The following TNFAIP8 variants were observed in gnomAD, a reference collection of about 807,000 sequenced individuals.
TNFAIP8 encodes the protein TNF alpha induced protein 8.
Under a neutral mutation model 13.3 loss-of-function variants are expected in TNFAIP8, and 7 were observed. The observed-to-expected ratio is 0.52, with a 90% CI of 0.30 to 0.99. The LOEUF (loss-of-function observed/expected upper bound fraction) is 0.99, where lower values mean the gene tolerates loss of function less well. TNFAIP8 is among the 50% of genes least tolerant of loss of function. The probability of loss-of-function intolerance (pLI) is 0.07; values close to 1 mark genes in which losing one functional copy is unlikely to be tolerated. For missense variants in TNFAIP8, 258 were observed against 236.9 expected (o/e 1.09, Z -0.58); for synonymous variants, 94 against 87.6 (o/e 1.07, Z -0.41).
intron 1 of TNFAIP8, among the ~76,000 whole-genome samples, chr5:119,385,966 G>A (rs1752652331): frequency 6.6e-6 from 1 of 152,202 alleles, no homozygotes; most frequent in Non-Finnish European, 1.5e-5. Flanking sequence ...TTACAGATGA[G>A]GAAGCCGAGT....
chr5:119,358,116 A>G (rs114172434), intron 1 of TNFAIP8, among the ~76,000 whole-genome samples: 1,950 of 119,404 alleles, frequency 0.016, 46 homozygotes, highest in African/African-American at 0.064. Context: ...TTTTTTTTTC[A>G]TCCTGGTGAA....
At chr5:119,386,606 T>C (rs1311067050) in intron 1 of TNFAIP8, among the ~76,000 whole-genome samples, 1 of 152,216 alleles carries the variant, frequency 6.6e-6, no homozygotes, top group Non-Finnish European at 1.5e-5. Flanking sequence ...TGTTGCCTTT[T>C]AAGGTTAGCA....
chr5:119,391,371 G>A (rs1174566353), intron 1 of TNFAIP8: 17 of 701,900 alleles, frequency 2.4e-5, no homozygotes, highest in Admixed American at 1.0e-4. Flanking sequence ...CCAGGCCTAG[G>A]CTTAAACACT....
chr5:119,378,276 C>T (rs955376629), intron 1 of TNFAIP8, among the ~76,000 whole-genome samples: 2 of 152,136 alleles, frequency 1.3e-5, no homozygotes, highest in African/African-American at 4.8e-5. Context: ...AATATAAATG[C>T]TGTGCTGGTG....
chr5:119,391,542 C>A, intron 1 of TNFAIP8: 1 of 632,570 alleles, frequency 1.6e-6, no homozygotes, highest in South Asian at 1.6e-5. Flanking sequence ...GGCAGATCAC[C>A]TGAGGCCAGG....
At chr5:119,304,636 C>T (rs184193744) in intron 1 of TNFAIP8, among the ~76,000 whole-genome samples, 2 of 152,344 alleles carry the variant, frequency 1.3e-5, no homozygotes, top group East Asian at 1.9e-4. Context: ...GCAAAGACCA[C>T]GATTGCATGA....
Position 119,395,746 on chromosome 5 carries a change from C to G in TNFAIP8, c.*2365C>G, listed in dbSNP as rs1753058387. The G allele has an allele frequency of 6.6e-6, 1 of 152,196 alleles. No individual in the cohort carries two copies. The allele number at this position is 152,196 out of a possible 1,614,324, so 9.4% of individuals were successfully genotyped here. On this transcript the variant is annotated 3_prime_UTR_variant, in exon 2 of 2. Coordinates refer to ENST00000504771, the MANE Select transcript of TNFAIP8 (RefSeq NM_014350.4). Reference sequence around the variant, plus strand: ...AGTTCATTTCTAATACAATAGGACTCCCCTTGAGCATTTAGGGTGGCAAGG... The same window carrying G: ...AGTTCATTTCTAATACAATAGGACTGCCCTTGAGCATTTAGGGTGGCAAGG...
chr5:119,296,213 A>T (rs1252679090), intron 1 of TNFAIP8, among the ~76,000 whole-genome samples: 1 of 151,774 alleles, frequency 6.6e-6, no homozygotes, highest in Non-Finnish European at 1.5e-5. Context: ...CCAGTTTTCA[A>T]AGGGAAAGCT....
intron 1 of TNFAIP8, among the ~76,000 whole-genome samples, chr5:119,349,919 A>G (rs1406382645): frequency 6.6e-6 from 1 of 152,250 alleles, no homozygotes; most frequent in Non-Finnish European, 1.5e-5. Context: ...ACAGTTTAAT[A>G]CAGTGAGAAA....
At chr5:119,320,387 C>T (rs1357605540) in intron 1 of TNFAIP8, among the ~76,000 whole-genome samples, 1 of 152,228 alleles carries the variant, frequency 6.6e-6, no homozygotes, top group East Asian at 1.9e-4. Flanking sequence ...CTTTTTATCA[C>T]CCTTCTTAAA....
intron 1 of TNFAIP8, among the ~76,000 whole-genome samples, chr5:119,343,026 C>T (rs6896277): frequency 0.37 from 56,896 of 151,798 alleles, 12,516 homozygotes; most frequent in African/African-American, 0.62. Flanking sequence ...TGCTGCTGTT[C>T]TACAGTGGGC....
chr5:119,321,701 T>G lies in TNFAIP8; in HGVS notation c.1+52794T>G, dbSNP rs114854252. 3.2e-3 allele frequency among the ~76,000 whole-genome samples: 486 copies of G among 152,304 alleles called. 4 individuals carry two copies. The highest frequency in any genetic ancestry group is 0.011 in the African/African-American group (440 of 41,568). ...ATCTCACTGCTTCTCCCACCATCAC[T>G]TCTCTTCTGGGTAGCCTCAGAAGCC... On this transcript the variant is annotated intron_variant, in intron 1 of 1. Coordinates refer to the TNFAIP8 transcript ENST00000274456.
At chr5:119,370,317 A>G (rs1179417543) in intron 1 of TNFAIP8, among the ~76,000 whole-genome samples, 1 of 152,232 alleles carries the variant, frequency 6.6e-6, no homozygotes, top group Non-Finnish European at 1.5e-5. Flanking sequence ...ATTGAGCAAC[A>G]GAGAAACAAT....
At position 119,356,063 on chromosome 5, in the gene TNFAIP8, C is replaced by A; in HGVS notation, c.-28C>A. On this transcript the variant is annotated 5_prime_UTR_variant, in exon 1 of 2. Transcript: ENST00000504771. ...CGTCCGAGTACATGTGAGCGGTAATCGCCCCTGCAGCTGGTTATCCTGACA... is the reference window on the plus strand; with the variant it reads ...CGTCCGAGTACATGTGAGCGGTAATAGCCCCTGCAGCTGGTTATCCTGACA... The A allele has an allele frequency of 6.4e-7, 1 of 1,569,086 alleles. No homozygotes were observed. Among genetic ancestry groups the A allele is most frequent in the South Asian group, 1.2e-5 (1 of 85,682 alleles).
At chr5:119,355,552 G>T, upstream of TNFAIP8, 1 of 577,238 alleles carries the variant, frequency 1.7e-6, no homozygotes. Context: ...GTAATTTTTG[G>T]GTTGCAAGAC....
rs1414686215 is a variant in TNFAIP8, at chr5:119,334,237, A to C, written c.2-58579A>C. On this transcript the variant is annotated intron_variant, in intron 1 of 1. Coordinates refer to the TNFAIP8 transcript ENST00000274456. ...TTTAGCCATACTTAATGCTCCCACA[A>C]GTAGACTTAATTTTATTTTTAAAGT... Among the ~76,000 whole-genome samples, 6 of 152,274 alleles carry C rather than the reference A, an allele frequency of 3.9e-5. No individual in the cohort carries two copies. In the South Asian group the frequency reaches 1.2e-3, roughly 32 times the overall value.
At chr5:119,293,222 A>AT (rs1325588182) in intron 1 of TNFAIP8, among the ~76,000 whole-genome samples, 7 of 152,094 alleles carry the variant, frequency 4.6e-5, no homozygotes, top group Non-Finnish European at 1.0e-4. Flanking sequence ...ATACTGAAAA[A>AT]TCTACTCTTC....
At chr5:119,391,427 A>G in intron 1 of TNFAIP8, 1 of 702,334 alleles carries the variant, frequency 1.4e-6, no homozygotes, top group Non-Finnish European at 2.6e-6. Context: ...GAGATTGAGT[A>G]GACACCCAAA....
intron 1 of TNFAIP8, among the ~76,000 whole-genome samples, chr5:119,302,092 G>A (rs72786120): frequency 0.027 from 4,165 of 152,292 alleles, 80 homozygotes; most frequent in Non-Finnish European, 0.038. Context: ...GGAGGAGTTG[G>A]TTATTCACTC....
Sources: gnomAD v4.1 joint callset for allele counts (sites outside exome capture counted in the v4.1 genomes callset) on GRCh38, gnomAD v4.1.1 for gene constraint, MANE v1.5 for transcripts, NCBI Gene and HGNC (gene_info 2026-07-23, HGNC 2026-07-21) for gene names.